RCBTB2: variants seen among roughly 807,000 people sequenced by gnomAD.
RCBTB2 encodes RCC1 and BTB domain-containing protein 2.
Under a neutral mutation model 65.4 loss-of-function variants are expected in RCBTB2, and 55 were observed. That is an observed-to-expected ratio of 0.84 (90% CI 0.68 to 1.05). The LOEUF (loss-of-function observed/expected upper bound fraction) is 1.05. Among genes scored for constraint, RCBTB2 ranks in the 50% least tolerant of loss-of-function variants. The pLI, the probability that RCBTB2 is intolerant of heterozygous loss-of-function variation, is 0.00. For synonymous variants in RCBTB2, 220 were observed against 255.2 expected (o/e 0.86, Z 1.31); for missense variants, 599 against 680.1 (o/e 0.88, Z 1.33).
intron 13 of RCBTB2, among the ~76,000 whole-genome samples, chr13:48,496,934 G>T (rs1950013140): frequency 6.6e-6 from 1 of 151,844 alleles, no homozygotes; most frequent in Non-Finnish European, 1.5e-5. Flanking sequence ...AAAACTCCTA[G>T]ACAGAGCTAT....
At position 48,510,665 on chromosome 13, in the gene RCBTB2, T is replaced by G. The variant is rs143982828; in HGVS notation, c.890A>C (p.Gln297Pro). The G allele has an allele frequency of 4.8e-5, 78 of 1,614,256 alleles. No individual in the cohort carries two copies. The African/African-American group carries it at 8.1e-4, about 17-fold the overall frequency. Reference protein sequence around the residue: ...GQLGTGNKSNQSYPTPVTVEK... With the variant: ...GQLGTGNKSNPSYPTPVTVEK... ...CACAGTGACAGGAGTAGGATAGGACTGGTTGCTTTTATTGCCAGTGCCCAA... is the reference window on the plus strand; with the variant it reads ...CACAGTGACAGGAGTAGGATAGGACGGGTTGCTTTTATTGCCAGTGCCCAA... Residue 297 changes from glutamine (Q) to proline (P), a missense_variant, in exon 10 of 15, where the codon CAG becomes CCG. By Grantham distance (76) the Gln-to-Pro change is moderately conservative (BLOSUM62 -1). Transcript: ENST00000344532.
chr13:48,525,389 T>C, intron 1 of RCBTB2, among the ~76,000 whole-genome samples: 1 of 126,696 alleles, frequency 7.9e-6, no homozygotes, highest in East Asian at 2.2e-4. Flanking sequence ...TATATATATA[T>C]ATATATATAT....
intron 10 of RCBTB2, 84 bp downstream of exon 10, chr13:48,510,545 C>T (rs903224269): frequency 1.4e-6 from 2 of 1,412,810 alleles, no homozygotes; most frequent in East Asian, 2.3e-5. Context: ...GCAGTACATT[C>T]CCCACCATTC....
intron 1 of RCBTB2, among the ~76,000 whole-genome samples, chr13:48,527,326 T>TATG (rs1455761556): frequency 2.3e-5 from 3 of 132,134 alleles, no homozygotes; most frequent in African/African-American, 1.1e-4. Context: ...GGCTCATATA[T>TATG]ATATATATAT....
chr13:48,499,136 A>T (rs1455682075), intron 13 of RCBTB2, among the ~76,000 whole-genome samples: 1 of 147,616 alleles, frequency 6.8e-6, no homozygotes, highest in African/African-American at 2.6e-5. Context: ...ACACACACAC[A>T]CACACACTCT....
chr13:48,528,453 T>C (rs576419507), intron 1 of RCBTB2, among the ~76,000 whole-genome samples: 1 of 152,176 alleles, frequency 6.6e-6, no homozygotes, highest in African/African-American at 2.4e-5. Flanking sequence ...CCCATCTGGG[T>C]GGGTAACACA....
At chr13:48,527,786 G>A (rs1416232942) in intron 1 of RCBTB2, among the ~76,000 whole-genome samples, 3 of 152,096 alleles carry the variant, frequency 2.0e-5, no homozygotes, top group African/African-American at 7.2e-5. Flanking sequence ...TCTATGTTGA[G>A]AGTTTTCTCT....
At chr13:48,535,227 A>G (rs1473039945), upstream of RCBTB2, among the ~76,000 whole-genome samples, 1 of 150,062 alleles carries the variant, frequency 6.7e-6, no homozygotes, top group Non-Finnish European at 1.5e-5. Context: ...TACTAACTGT[A>G]TCCTCATCCC....
At chr13:48,517,543 T>C (rs1365192749) in intron 4 of RCBTB2, among the ~76,000 whole-genome samples, 2 of 152,176 alleles carry the variant, frequency 1.3e-5, no homozygotes, top group African/African-American at 4.8e-5. Context: ...TTAACTTGTA[T>C]CCAAAGTAAA....
In RCBTB2 at chr13:48,512,180, T is replaced by C. The variant is rs367684064; in HGVS notation, c.517-6A>G. The C allele has an allele frequency of 6.2e-7, 1 of 1,609,374 alleles. No homozygotes were observed. ...TTATAACCCCAGGCAAATACCTGTT[T>C]AAAGGAAAGATCAGTAAATGAAACA... On this transcript the variant is annotated splice_region_variant and splice_polypyrimidine_tract_variant and intron_variant, in intron 7 of 14. Transcript: ENST00000344532.
intron 4 of RCBTB2, among the ~76,000 whole-genome samples, chr13:48,516,672 G>A (rs560442623): frequency 6.6e-6 from 1 of 152,270 alleles, no homozygotes; most frequent in South Asian, 2.1e-4. Context: ...AAGTTGCACT[G>A]TGAGGTACTG....
intron 6 of RCBTB2, among the ~76,000 whole-genome samples, chr13:48,514,051 T>C (rs1950950080): frequency 6.6e-6 from 1 of 152,266 alleles, no homozygotes; most frequent in Admixed American, 6.5e-5. Flanking sequence ...AGATTTGTTC[T>C]TACCATAAAT....
rs200885019 is a variant in RCBTB2 at position 48,510,622 on chromosome 13, G to A, written c.926+7C>T. On this transcript the variant is annotated splice_region_variant and intron_variant, in intron 10 of 14. Coordinates refer to ENST00000344532, the MANE Select transcript of RCBTB2 (RefSeq NM_001268.4). Reference sequence around the variant, plus strand: ...CAGTGTGGGGACTGTGAAAATGCCCGTGTTACCTGTCCTTTTCCACAGTGA... The same window carrying A: ...CAGTGTGGGGACTGTGAAAATGCCCATGTTACCTGTCCTTTTCCACAGTGA... 3.0e-5 allele frequency: 48 copies of A among 1,613,524 alleles called. No homozygotes were observed. Among genetic ancestry groups the A allele is most frequent in the Admixed American group, 2.8e-4 (17 of 60,026 alleles).
chr13:48,514,962 A>G (rs1366915409), intron 6 of RCBTB2, among the ~76,000 whole-genome samples: 3 of 152,242 alleles, frequency 2.0e-5, no homozygotes, highest in Non-Finnish European at 4.4e-5. Context: ...GCCAAAGTCC[A>G]CAATCAGTTC....
intron 10 of RCBTB2, among the ~76,000 whole-genome samples, 192 bp from the exon 11 acceptor site, chr13:48,503,106 C>T (rs1157500599): frequency 6.6e-6 from 1 of 152,138 alleles, no homozygotes; most frequent in Non-Finnish European, 1.5e-5. Flanking sequence ...GGCACCAAAC[C>T]GTTATTTACA....
chr13:48,527,354 T>TAG (rs1951831764), intron 1 of RCBTB2, among the ~76,000 whole-genome samples: 1 of 115,620 alleles, frequency 8.6e-6, no homozygotes, highest in African/African-American at 6.0e-5. Context: ...ATATATATGA[T>TAG]ATATATTTAT....
intron 4 of RCBTB2, 100 bp downstream of exon 4, chr13:48,521,797 AG>A: frequency 9.7e-7 from 1 of 1,028,544 alleles, no homozygotes. Flanking sequence ...AAAGATAGAT[AG>A]TATCTCATTG....
chr13:48,491,189 G>A (rs770267136), intron 14 of RCBTB2, among the ~76,000 whole-genome samples: 3 of 152,194 alleles, frequency 2.0e-5, no homozygotes, highest in East Asian at 1.9e-4. Flanking sequence ...CATTACACAC[G>A]ATAGTCTTTT....
intron 10 of RCBTB2, among the ~76,000 whole-genome samples, chr13:48,503,602 C>A (rs1434477041): frequency 6.6e-6 from 1 of 151,960 alleles, no homozygotes; most frequent in African/African-American, 2.4e-5. Flanking sequence ...AGTGCAGTGG[C>A]ACAATCTTGG....
Sources: gnomAD v4.1 joint callset for allele counts (sites outside exome capture counted in the v4.1 genomes callset) on GRCh38, gnomAD v4.1.1 for gene constraint, MANE v1.5 for transcripts, NCBI Gene and HGNC (gene_info 2026-07-23, HGNC 2026-07-21) for gene names.